RAD51B: variants seen among roughly 807,000 people sequenced by gnomAD.
RAD51B encodes DNA repair protein RAD51 homolog 2.
In RAD51B, 38 loss-of-function variants were observed where a neutral mutation model predicts 42.2. The ratio of observed to expected loss-of-function variants is 0.90; its 90% confidence interval spans 0.70 to 1.18. RAD51B has a LOEUF of 1.18. Among genes scored for constraint, RAD51B ranks in the 50% most tolerant of loss-of-function variants. The probability of loss-of-function intolerance (pLI) is 0.00; values close to 1 mark genes in which losing one functional copy is unlikely to be tolerated. For synonymous variants in RAD51B, 154 were observed against 145.2 expected (o/e 1.06, Z -0.43); for missense variants, 373 against 400.7 (o/e 0.93, Z 0.59).
intron 7 of RAD51B, among the ~76,000 whole-genome samples, chr14:68,072,095 A>ATAAAT (rs1194871859): frequency 1.6e-5 from 2 of 124,040 alleles, no homozygotes; most frequent in African/African-American, 3.4e-5. Flanking sequence ...ATAAATATAT[A>ATAAAT]ATATATAAAA....
At chr14:68,275,831 CA>C (rs1389033999) in intron 7 of RAD51B, among the ~76,000 whole-genome samples, 8 of 151,746 alleles carry the variant, frequency 5.3e-5, no homozygotes, top group East Asian at 1.9e-4. Flanking sequence ...CACACACACA[CA>C]CACACACACC....
intron 7 of RAD51B, among the ~76,000 whole-genome samples, chr14:67,956,310 G>A (rs1341307779): frequency 6.6e-6 from 1 of 151,942 alleles, no homozygotes; most frequent in Non-Finnish European, 1.5e-5. Flanking sequence ...GGCCAGCCTG[G>A]CCAACATCCC....
At chr14:68,652,054 T>C (rs1892712007) in intron 11 of RAD51B, among the ~76,000 whole-genome samples, 1 of 152,210 alleles carries the variant, frequency 6.6e-6, no homozygotes. Flanking sequence ...CACTGCTCAA[T>C]GGCTCTTTCC....
intron 5 of RAD51B, 57 bp from the exon 6 acceptor site, chr14:67,885,812 A>G (rs751562042): frequency 1.6e-5 from 25 of 1,533,992 alleles, no homozygotes; most frequent in Admixed American, 1.9e-5. Context: ...GAGATTCAGC[A>G]ATGTGGCTTT....
chr14:68,499,122 G>A (rs1196655734), intron 10 of RAD51B, among the ~76,000 whole-genome samples: 3 of 152,164 alleles, frequency 2.0e-5, no homozygotes, highest in Non-Finnish European at 4.4e-5. Flanking sequence ...TGTTTCTGGT[G>A]GGGCTTTGCC....
chr14:68,200,084 G>T (rs941699537), intron 7 of RAD51B, among the ~76,000 whole-genome samples: 1 of 152,028 alleles, frequency 6.6e-6, no homozygotes, highest in Non-Finnish European at 1.5e-5. Context: ...AGAATTAACC[G>T]CATGACAGCA....
At chr14:68,394,838 G>A (rs1253589344) in intron 8 of RAD51B, among the ~76,000 whole-genome samples, 4 of 152,202 alleles carry the variant, frequency 2.6e-5, no homozygotes, top group Non-Finnish European at 5.9e-5. Context: ...GGCTGTGGAA[G>A]CCGCACGTCT....
intron 4 of RAD51B, among the ~76,000 whole-genome samples, chr14:67,842,063 G>T (rs1173282442): frequency 6.6e-6 from 1 of 152,108 alleles, no homozygotes; most frequent in Non-Finnish European, 1.5e-5. Context: ...ATGATTTCTT[G>T]TAGCAGTGTT....
chr14:68,573,126 GT>G (rs1889793448), intron 10 of RAD51B, among the ~76,000 whole-genome samples: 1 of 152,276 alleles, frequency 6.6e-6, no homozygotes, highest in Non-Finnish European at 1.5e-5. Context: ...AGGGTGAACT[GT>G]ATGTACAATG....
intron 7 of RAD51B, among the ~76,000 whole-genome samples, chr14:68,181,367 G>C (rs981118943): frequency 6.6e-6 from 1 of 152,168 alleles, no homozygotes; most frequent in Non-Finnish European, 1.5e-5. Context: ...TCGAGTCCAG[G>C]GCTCACTAAT....
At chr14:68,471,296 G>C (rs1271595295) in intron 10 of RAD51B, among the ~76,000 whole-genome samples, 3 of 152,156 alleles carry the variant, frequency 2.0e-5, no homozygotes, top group Non-Finnish European at 4.4e-5. Context: ...AGCTACCCGT[G>C]GGGGTAGGGA....
At chr14:68,547,059 A>G (rs1314815253) in intron 10 of RAD51B, among the ~76,000 whole-genome samples, 2 of 152,172 alleles carry the variant, frequency 1.3e-5, no homozygotes, top group African/African-American at 2.4e-5. Context: ...ACTCCAACTC[A>G]AGCACCAGCA....
chr14:68,495,767 G>A (rs1884465911), intron 10 of RAD51B, among the ~76,000 whole-genome samples: 2 of 152,220 alleles, frequency 1.3e-5, no homozygotes, highest in South Asian at 4.2e-4. Context: ...TTGACTAGGT[G>A]GAATAAATAG....
downstream of RAD51B, among the ~76,000 whole-genome samples, chr14:68,613,326 G>A (rs1566955404): frequency 6.6e-6 from 1 of 151,982 alleles, no homozygotes; most frequent in East Asian, 1.9e-4. Flanking sequence ...GCTGAGACAG[G>A]AGAATTGCTT....
At chr14:67,825,351 T>C in intron 2 of RAD51B, 113 bp from the exon 3 acceptor site, 1 of 621,636 alleles carries the variant, frequency 1.6e-6, no homozygotes, top group South Asian at 2.4e-5. Context: ...ATCTTTGATC[T>C]GCGATAAATT....
intron 10 of RAD51B, among the ~76,000 whole-genome samples, chr14:68,588,122 A>T (rs763194794): frequency 1.4e-4 from 21 of 152,216 alleles, no homozygotes; most frequent in Non-Finnish European, 2.6e-4. Context: ...GGGTGCGTTC[A>T]TCCCAGCCTT....
chr14:68,673,247 C>T (rs1893197143), intron 11 of RAD51B, among the ~76,000 whole-genome samples: 1 of 152,128 alleles, frequency 6.6e-6, no homozygotes, highest in Admixed American at 6.5e-5. Flanking sequence ...TTTGTTTTCA[C>T]CAAAGGAAGC....
At chr14:68,515,468 A>T (rs1886076416) in intron 10 of RAD51B, among the ~76,000 whole-genome samples, 2 of 132,596 alleles carry the variant, frequency 1.5e-5, no homozygotes, top group Admixed American at 8.3e-5. Flanking sequence ...TTTTTTAGAG[A>T]GATAGGGTCT....
At chr14:68,329,215 C>A (rs1342583023) in intron 8 of RAD51B, among the ~76,000 whole-genome samples, 1 of 152,028 alleles carries the variant, frequency 6.6e-6, no homozygotes, top group Non-Finnish European at 1.5e-5. Flanking sequence ...ACTATGTTGC[C>A]CAATCTGGTC....
Sources: allele counts gnomAD v4.1 joint callset (sites outside exome capture counted in the v4.1 genomes callset), GRCh38; gene constraint gnomAD v4.1.1; transcripts MANE v1.5; gene names NCBI Gene and HGNC (gene_info 2026-07-23, HGNC 2026-07-21).